TASP1: variants seen among roughly 807,000 people sequenced by gnomAD.
The protein encoded by TASP1 is threonine aspartase 1.
A neutral mutation model predicts 56.6 loss-of-function variants in TASP1; 16 were observed. The observed-to-expected ratio is 0.28, with a 90% CI of 0.19 to 0.43. The LOEUF is 0.43. TASP1 is among the 20% of genes least tolerant of loss of function. The pLI, the probability that TASP1 is intolerant of heterozygous loss-of-function variation, is 1.00. For synonymous variants in TASP1, 179 were observed against 184.2 expected (o/e 0.97, Z 0.23); for missense variants, 393 against 511.6 (o/e 0.77, Z 2.24).
chr20:13,309,055 T>C, the TASP1 span, among the ~76,000 whole-genome samples: 1 of 152,200 alleles, frequency 6.6e-6, no homozygotes, highest in East Asian at 1.9e-4. Context: ...TGGTAGTTTG[T>C]TGTATCAGCC....
At chr20:13,311,232 A>AGATAGATAGATAGATAGATAGATAGAT in the TASP1 span, among the ~76,000 whole-genome samples, 43 of 115,570 alleles carry the variant, frequency 3.7e-4, no homozygotes, top group African/African-American at 1.3e-3. Context: ...ATAGATAGAT[A>AGATAGATAGATAGATAGATAGATAGAT]GATAGATAGA....
the TASP1 span, among the ~76,000 whole-genome samples, chr20:13,263,819 T>C: frequency 2.0e-5 from 3 of 152,222 alleles, no homozygotes; most frequent in Admixed American, 6.5e-5. Context: ...ATATTGCTAA[T>C]TAACTATATT....
At chr20:13,476,406 G>A (rs1034418939) in intron 11 of TASP1, among the ~76,000 whole-genome samples, 3 of 152,014 alleles carry the variant, frequency 2.0e-5, no homozygotes, top group Admixed American at 1.3e-4. Context: ...TGTGATTTTT[G>A]CCTTTTTAAA....
chr20:13,635,127 G>A (rs1356785030), intron 1 of TASP1, among the ~76,000 whole-genome samples: 3 of 152,152 alleles, frequency 2.0e-5, no homozygotes, highest in Admixed American at 6.5e-5. Flanking sequence ...CACTTTGAAT[G>A]GGTAAATTGA....
At chr20:13,288,451 T>C in the TASP1 span, 1 of 1,382,168 alleles carries the variant, frequency 7.2e-7, no homozygotes, top group Non-Finnish European at 1.0e-6. Flanking sequence ...GCGAGAAGGA[T>C]AGAAGTGAAT....
At chr20:13,352,563 T>C in the TASP1 span, among the ~76,000 whole-genome samples, 1 of 152,316 alleles carries the variant, frequency 6.6e-6, no homozygotes, top group South Asian at 2.1e-4. Context: ...GCATATTACA[T>C]TCAATGAAGT....
chr20:13,310,584 G>C, the TASP1 span, among the ~76,000 whole-genome samples: 1 of 152,112 alleles, frequency 6.6e-6, no homozygotes, highest in Non-Finnish European at 1.5e-5. Flanking sequence ...TTGCATCAAA[G>C]GAAAAAGGTT....
chr20:13,288,742 T>C, the TASP1 span: 2 of 1,513,516 alleles, frequency 1.3e-6, no homozygotes, highest in Non-Finnish European at 1.8e-6. Context: ...AATTTATCAT[T>C]AAAAACTTAG....
chr20:13,305,240 A>C, the TASP1 span, among the ~76,000 whole-genome samples: 353 of 151,264 alleles, frequency 2.3e-3, 1 homozygote, highest in African/African-American at 8.4e-3. Context: ...TTATTATTAG[A>C]TTCAACAGAC....
chr20:13,494,403 G>C (rs979143271), intron 10 of TASP1, among the ~76,000 whole-genome samples: 2 of 152,144 alleles, frequency 1.3e-5, no homozygotes, highest in Admixed American at 6.6e-5. Context: ...CAGATGACTT[G>C]AGAAAACCCT....
At chr20:13,574,238 TTCTACCTCAATAGCAAGGCAAAATTAGC>T (rs1284357315) in intron 6 of TASP1, among the ~76,000 whole-genome samples, 2 of 152,180 alleles carry the variant, frequency 1.3e-5, no homozygotes, top group Non-Finnish European at 2.9e-5. Flanking sequence ...CTTTGAAAGA[TTCTACCTCAATAGCAAGGCAAAATTAGC>T]TCAAGGCCAA....
intron 11 of TASP1, among the ~76,000 whole-genome samples, chr20:13,438,339 G>T (rs1252810893): frequency 1.3e-5 from 2 of 152,136 alleles, no homozygotes; most frequent in African/African-American, 4.8e-5. Flanking sequence ...AGAGCCCTCA[G>T]AAATAATGCC....
At chr20:13,184,618 G>A in the TASP1 span, among the ~76,000 whole-genome samples, 4 of 152,100 alleles carry the variant, frequency 2.6e-5, no homozygotes. Flanking sequence ...TGGACTTATG[G>A]GCATAGTATT....
chr20:13,630,877 A>T (rs1166828692), intron 1 of TASP1, among the ~76,000 whole-genome samples: 2 of 152,142 alleles, frequency 1.3e-5, no homozygotes, highest in East Asian at 3.8e-4. Flanking sequence ...CTTTATAAGC[A>T]CATTTTCAAT....
intron 4 of TASP1, among the ~76,000 whole-genome samples, chr20:13,594,490 C>A (rs962372981): frequency 6.6e-6 from 1 of 152,108 alleles, no homozygotes; most frequent in African/African-American, 2.4e-5. Flanking sequence ...AAAGGTTAGA[C>A]AAATGGCTAA....
At chr20:13,206,991 T>G in the TASP1 span, among the ~76,000 whole-genome samples, 3 of 152,236 alleles carry the variant, frequency 2.0e-5, no homozygotes, top group Non-Finnish European at 2.9e-5. Flanking sequence ...CAAGATTTTA[T>G]ATAGAATTTG....
At chr20:13,203,798 T>C in the TASP1 span, among the ~76,000 whole-genome samples, 8 of 152,172 alleles carry the variant, frequency 5.3e-5, no homozygotes, top group African/African-American at 1.9e-4. Flanking sequence ...AGAAGGTAAT[T>C]TGTACTGTCA....
chr20:13,503,860 A>C (rs975979113), intron 10 of TASP1, among the ~76,000 whole-genome samples: 2 of 152,112 alleles, frequency 1.3e-5, no homozygotes, highest in Non-Finnish European at 2.9e-5. Flanking sequence ...TTGATAAAGA[A>C]TCAATCTGAT....
chr20:13,311,258 T>TAGATAGATGATAGAA, the TASP1 span, among the ~76,000 whole-genome samples: 1 of 118,632 alleles, frequency 8.4e-6, no homozygotes, highest in African/African-American at 3.1e-5. Context: ...GATAGATAGA[T>TAGATAGATGATAGAA]AGATAGATAG....
Sources: gnomAD v4.1 joint callset for allele counts (sites outside exome capture counted in the v4.1 genomes callset) on GRCh38, gnomAD v4.1.1 for gene constraint, MANE v1.5 for transcripts, NCBI Gene and HGNC (gene_info 2026-07-23, HGNC 2026-07-21) for gene names.